DNAAF1: variants seen among roughly 807,000 people sequenced by gnomAD.
DNAAF1 encodes dynein assembly factor 1, axonemal.
A neutral mutation model predicts 71.1 loss-of-function variants in DNAAF1; 65 were observed. The ratio of observed to expected loss-of-function variants is 0.91; its 90% CI spans 0.75 to 1.12. The LOEUF (loss-of-function observed/expected upper bound fraction) is 1.12, where lower values mean the gene tolerates loss of function less well. Among genes scored for constraint, DNAAF1 ranks in the 50% most tolerant of loss-of-function variants. The probability of loss-of-function intolerance (pLI) is 0.00; values close to 1 mark genes in which losing one functional copy is unlikely to be tolerated. For missense variants in DNAAF1, 1,178 were observed against 899.8 expected (o/e 1.31, Z -3.96); for synonymous variants, 414 against 354.6 (o/e 1.17, Z -1.88).
At chr16:84,174,107 G>C (rs2088526541) in intron 9 of DNAAF1, 7 of 899,920 alleles carry the variant, frequency 7.8e-6, no homozygotes, top group Non-Finnish European at 9.4e-6. Context: ...CTTGCCCAAA[G>C]CCAGACAGCT....
At chr16:84,173,189 C>T (rs184045758) in intron 9 of DNAAF1, 76 of 985,488 alleles carry the variant, frequency 7.7e-5, no homozygotes, top group Non-Finnish European at 8.9e-5. Flanking sequence ...ATCGGCCAGG[C>T]ATGGTGGCTT....
chr16:84,152,080 G>A (rs2087212279), intron 3 of DNAAF1, among the ~76,000 whole-genome samples: 1 of 152,238 alleles, frequency 6.6e-6, no homozygotes, highest in Non-Finnish European at 1.5e-5. Flanking sequence ...CAGATGCCTT[G>A]GAATGGTCAA....
intron 11 of DNAAF1, 180 bp downstream of exon 11, chr16:84,176,479 C>G: frequency 1.0e-6 from 1 of 992,894 alleles, no homozygotes; most frequent in Non-Finnish European, 1.5e-6. Context: ...CTGAAGCTGC[C>G]ACTTGCTGGT....
intron 3 of DNAAF1, among the ~76,000 whole-genome samples, chr16:84,150,704 C>T (rs2087143640): frequency 6.8e-6 from 1 of 147,638 alleles, no homozygotes; most frequent in Non-Finnish European, 1.5e-5. Flanking sequence ...CAACCTCTGT[C>T]TCCAGGTTCA....
chr16:84,161,355 C>G (rs917661778), intron 6 of DNAAF1, among the ~76,000 whole-genome samples: 4 of 152,200 alleles, frequency 2.6e-5, no homozygotes, highest in Admixed American at 2.0e-4. Context: ...GAGCATAGCC[C>G]AAGACTCCAG....
intron 11 of DNAAF1, 57 bp from the exon 12 acceptor site, chr16:84,177,672 C>A: frequency 1.3e-6 from 2 of 1,488,722 alleles, no homozygotes; most frequent in Admixed American, 3.3e-5. Flanking sequence ...AGGCTGCCCC[C>A]CTGTCCTTGC....
chr16:84,163,409 C>G (rs2087812082), intron 6 of DNAAF1, among the ~76,000 whole-genome samples: 1 of 143,104 alleles, frequency 7.0e-6, no homozygotes, highest in South Asian at 2.2e-4. Context: ...AAGATGGAGT[C>G]TTGCCCTGTC....
intron 4 of DNAAF1, among the ~76,000 whole-genome samples, 164 bp from the exon 5 acceptor site, chr16:84,155,419 G>C (rs1263792134): frequency 6.6e-6 from 1 of 152,016 alleles, no homozygotes; most frequent in African/African-American, 2.4e-5. Flanking sequence ...TGTGGATATG[G>C]GGTCTCACTG....
At chr16:84,171,930 T>C (rs1361286099) in intron 8 of DNAAF1, among the ~76,000 whole-genome samples, 1 of 148,568 alleles carries the variant, frequency 6.7e-6, no homozygotes, top group Non-Finnish European at 1.5e-5. Flanking sequence ...CAGGCTGGAG[T>C]GCAGTGGCAC....
At position 84,159,737 on chromosome 16, in the gene DNAAF1, C is replaced by A; in HGVS notation, c.804C>A (p.Val268=). 1 of 1,613,950 alleles carries A rather than the reference C, an allele frequency of 6.2e-7. No individual in the cohort carries two copies. The highest frequency in any genetic ancestry group is 1.1e-5 in the South Asian group (1 of 91,058). The part of the protein sequence containing the change: ...IRQIPNYRRT[V]TVRLKHLTYL... Reference sequence around the variant, plus strand: ...AGATTCCTAATTACAGAAGGACAGTCACTGTACGACTAAAGCACTTAACAT... The same window carrying A: ...AGATTCCTAATTACAGAAGGACAGTAACTGTACGACTAAAGCACTTAACAT... The change falls in exon 6 of 12, where the codon GTC becomes GTA. Residue 268 remains valine, a synonymous_variant. Transcript: ENST00000378553.
intron 7 of DNAAF1, among the ~76,000 whole-genome samples, chr16:84,168,968 A>G (rs4782898): frequency 0.34 from 52,079 of 151,278 alleles, 9,371 homozygotes; most frequent in Non-Finnish European, 0.4. Flanking sequence ...TTTTCTTGAT[A>G]GCTGTGACCT....
intron 6 of DNAAF1, among the ~76,000 whole-genome samples, chr16:84,165,231 C>T (rs2087913658): frequency 6.6e-6 from 1 of 152,072 alleles, no homozygotes. Flanking sequence ...AAACTTTGCT[C>T]ATTTTGAAAT....
intron 5 of DNAAF1, among the ~76,000 whole-genome samples, chr16:84,155,980 T>G (rs984164491): frequency 3.3e-5 from 5 of 152,108 alleles, no homozygotes; most frequent in Admixed American, 3.3e-4. Context: ...TTTTTTTTTT[T>G]GATATAGAGT....
At chr16:84,167,029 G>A (rs1371200753) in intron 7 of DNAAF1, among the ~76,000 whole-genome samples, 1 of 152,112 alleles carries the variant, frequency 6.6e-6, no homozygotes, top group East Asian at 1.9e-4. Context: ...CTCGCAAGAT[G>A]ACTCTCCACT....
chr16:84,166,961 G>A (rs531138245), intron 7 of DNAAF1, among the ~76,000 whole-genome samples: 18 of 152,260 alleles, frequency 1.2e-4, no homozygotes, highest in South Asian at 8.3e-4. Flanking sequence ...GACACCAGCC[G>A]GCTGTCCTGC....
At chr16:84,172,804 C>A in intron 9 of DNAAF1, 1 of 1,061,926 alleles carries the variant, frequency 9.4e-7, no homozygotes, top group Non-Finnish European at 1.1e-6. Context: ...TCCGTGGACA[C>A]CGCCCAGCAG....
Position 84,176,418 on chromosome 16 carries a change from C to T in DNAAF1, c.2065+119C>T. 4 of 1,432,382 alleles carry T rather than the reference C, an allele frequency of 2.8e-6. No individual in the cohort carries two copies. In the Admixed American group the frequency reaches 5.3e-5, roughly 19 times the overall value. 88.7% of individuals were successfully genotyped at this position (1,432,382 alleles called of 1,614,324 possible). On this transcript the variant is annotated intron_variant, in intron 11 of 11. Coordinates refer to ENST00000378553, the MANE Select transcript of DNAAF1 (RefSeq NM_178452.6). ...CTTTCATGTTGCTGGAGGGGTCACC[C>T]AGGACAGACCACACAGATCCTCTGA...
In DNAAF1 at chr16:84,177,756, C is replaced by A. The variant is rs977859467; in HGVS notation, c.2093C>A (p.Pro698Gln). ...CCGACTGAGAGCGCCGCCACACCCC[C>A]AGAGACGTGTGTCGGAGTTGCCCAG... is the stretch of plus-strand genomic sequence containing the variant. Reference protein sequence around the residue: ...PVPTESAATPPETCVGVAQPS... With the variant: ...PVPTESAATPQETCVGVAQPS... Residue 698 changes from proline to glutamine, a missense_variant, in exon 12 of 12, where the codon CCA becomes CAA. Pro to Gln is a moderately conservative substitution (Grantham distance 76, BLOSUM62 -1). Coordinates refer to ENST00000378553, the MANE Select transcript of DNAAF1 (RefSeq NM_178452.6). 6.2e-7 allele frequency: 1 copy of A among 1,614,050 alleles called. No homozygotes were observed. The highest frequency in any genetic ancestry group is 1.3e-5 in the African/African-American group (1 of 75,044).
intron 8 of DNAAF1, among the ~76,000 whole-genome samples, chr16:84,171,712 G>A (rs1417980503): frequency 1.3e-5 from 2 of 152,048 alleles, no homozygotes; most frequent in Non-Finnish European, 2.9e-5. Context: ...CAAGATTCCT[G>A]CGGCTGCTGC....
Sources: gnomAD v4.1 joint callset for allele counts (sites outside exome capture counted in the v4.1 genomes callset) on GRCh38, gnomAD v4.1.1 for gene constraint, MANE v1.5 for transcripts, NCBI Gene and HGNC (gene_info 2026-07-23, HGNC 2026-07-21) for gene names.